ABHD4: variants seen among roughly 807,000 people sequenced by gnomAD.
The protein encoded by ABHD4 is abhydrolase domain containing 4, N-acyl phospholipase B, also known as (Lyso)-N-acylphosphatidylethanolamine lipase.
In ABHD4, 35 loss-of-function variants were observed where a neutral mutation model predicts 42.3. The observed-to-expected ratio is 0.83, with a 90% confidence interval of 0.63 to 1.10. The LOEUF (loss-of-function observed/expected upper bound fraction) is 1.10. Among genes scored for constraint, ABHD4 ranks in the 50% least tolerant of loss-of-function variants. The pLI, the probability that ABHD4 is intolerant of heterozygous loss-of-function variation, is 0.00. For synonymous variants in ABHD4, 169 were observed against 170.6 expected, an observed-to-expected ratio of 0.99 and a Z score of 0.07; for missense variants, 389 against 454.8, an observed-to-expected ratio of 0.86 and a Z score of 1.32.
chr14:22,600,219 C>T (rs1438768982), intron 1 of ABHD4: 1 of 455,628 alleles, frequency 2.2e-6, no homozygotes, highest in Non-Finnish European at 4.4e-6. Flanking sequence ...AAAATTGGAA[C>T]TCTGGCCTTC....
chr14:22,598,535 C>T (rs1418594346), intron 1 of ABHD4: 6 of 1,434,076 alleles, frequency 4.2e-6, no homozygotes, highest in African/African-American at 2.8e-5. Flanking sequence ...CCATGGGAGA[C>T]GCGCTCGCCC....
Position 22,611,017 on chromosome 14 carries a change from C to A in ABHD4, c.*69C>A. The A allele has an allele frequency of 7.2e-7, 1 of 1,393,486 alleles. No individual in the cohort carries two copies. The highest frequency in any genetic ancestry group is 1.2e-5 in the South Asian group (1 of 85,272). 86.3% of individuals were successfully genotyped at this position (1,393,486 alleles called of 1,614,324 possible). A position where few individuals can be genotyped will look rare whatever the true frequency, so the allele number is the denominator to read the frequency against. On this transcript the variant is annotated 3_prime_UTR_variant, in exon 7 of 7. Transcript: ENST00000428304. ...TTACCTCCCTGTCTGCTTACTCACCCACTCTGTCCTTTCCTCACCAACTAA... is the reference window on the plus strand; with the variant it reads ...TTACCTCCCTGTCTGCTTACTCACCAACTCTGTCCTTTCCTCACCAACTAA...
rs368944200 is a variant in ABHD4 at position 22,601,730 on chromosome 14, G to A, written c.87G>A (p.Lys29=). The change falls in exon 2 of 7, where the codon AAG becomes AAA. Residue 29 remains lysine, a synonymous_variant. Coordinates refer to ENST00000428304, the MANE Select transcript of ABHD4 (RefSeq NM_022060.3). ...GCCCCACTTCCATGTCTCAGCTGAA[G>A]AATGTGGAAGCCAGGATCCTCCAGT... ...TWRPTSMSQL[K]NVEARILQCL... is the part of the protein sequence containing the mutation. The A allele has an allele frequency of 1.9e-6, 3 of 1,614,072 alleles. No individual in the cohort carries two copies. The African/African-American group carries it at 4.0e-5, about 22-fold the overall frequency.
chr14:22,603,981 C>A lies in ABHD4; in HGVS notation c.542C>A (p.Pro181His). The change falls in exon 4 of 7, where the codon CCC (proline) becomes CAC (histidine). Residue 181 changes from proline (P) to histidine (H), a missense_variant. Around this residue, in one of 3 missense-constraint regions of ABHD4, gnomAD observed 249 missense variants for 254.4 expected, o/e 0.98. Transcript: ENST00000428304. Reference protein sequence around the residue: ...PWGFPLRPTNPSEIRAPPAWV... With the variant: ...PWGFPLRPTNHSEIRAPPAWV... Reference sequence around the variant, plus strand: ...GGCTTTCCCCTCCGACCAACTAACCCCAGTGAGATCCGTGCACCCCCAGCC... The same window carrying A: ...GGCTTTCCCCTCCGACCAACTAACCACAGTGAGATCCGTGCACCCCCAGCC... 1 of 1,614,228 alleles carries A rather than the reference C, an allele frequency of 6.2e-7. No homozygotes were observed. The highest frequency in any genetic ancestry group is 8.5e-7 in the Non-Finnish European group (1 of 1,180,046).
chr14:22,608,242 CCTTT>C (rs1223466546), intron 5 of ABHD4, among the ~76,000 whole-genome samples: 1 of 152,144 alleles, frequency 6.6e-6, no homozygotes, highest in African/African-American at 2.4e-5. Flanking sequence ...ACTCAGGTTC[CCTTT>C]CATCTGTACA....
intron 1 of ABHD4, among the ~76,000 whole-genome samples, chr14:22,599,395 T>C (rs1175406673): frequency 6.6e-6 from 1 of 152,104 alleles, no homozygotes; most frequent in Non-Finnish European, 1.5e-5. Flanking sequence ...AGAACAGGAT[T>C]CTCTCCCAGC....
intron 1 of ABHD4, among the ~76,000 whole-genome samples, chr14:22,599,755 G>A (rs2037260900): frequency 6.6e-6 from 1 of 152,190 alleles, no homozygotes; most frequent in Non-Finnish European, 1.5e-5. Context: ...GTGATTTAGA[G>A]AGAAAATTTG....
intron 5 of ABHD4, 32 bp from the exon 6 acceptor site, chr14:22,609,692 T>C (rs1220324975): frequency 6.2e-7 from 1 of 1,606,048 alleles, no homozygotes; most frequent in Non-Finnish European, 8.5e-7. Context: ...CATATTCTGC[T>C]GTGAAGTTTA....
rs2037418262 is a variant in ABHD4, at chr14:22,611,801, C to CT, written c.*855dup. 1 of 153,364 alleles carries CT rather than the reference C, an allele frequency of 6.5e-6. No individual in the cohort carries two copies. The highest frequency in any genetic ancestry group is 1.5e-5 in the Non-Finnish European group (1 of 68,634). 9.5% of individuals were successfully genotyped at this position (153,364 alleles called of 1,614,324 possible). A position where few individuals can be genotyped will look rare whatever the true frequency, so the allele number is the denominator to read the frequency against. Reference sequence around the variant, plus strand: ...TGCCTAAGCTAGGGACACTCAAGTGCTTCCTTCCTTGCCCCATCTTCCTCC... The same window carrying CT: ...TGCCTAAGCTAGGGACACTCAAGTGCTTTCCTTCCTTGCCCCATCTTCCTCC... On this transcript the variant is annotated 3_prime_UTR_variant, in exon 7 of 7. Transcript: ENST00000428304.
At chr14:22,606,939 C>G (rs765840449) in intron 5 of ABHD4, among the ~76,000 whole-genome samples, 11 of 152,040 alleles carry the variant, frequency 7.2e-5, no homozygotes, top group Non-Finnish European at 1.5e-4. Context: ...AGGAAGTCTT[C>G]TCCTGTCCCG....
intron 6 of ABHD4, 37 bp downstream of exon 6, chr14:22,609,947 G>C (rs560537533): frequency 8.1e-6 from 13 of 1,600,994 alleles, no homozygotes; most frequent in Middle Eastern, 1.7e-4. Flanking sequence ...AATGATGACT[G>C]AGAGTCAATC....
intron 4 of ABHD4, chr14:22,605,734 A>G (rs1388530781): frequency 4.8e-6 from 5 of 1,047,304 alleles, no homozygotes; most frequent in Non-Finnish European, 6.5e-6. Flanking sequence ...GCAGATCCTC[A>G]TGGCACCCCC....
Position 22,601,767 on chromosome 14 carries a change from G to C in ABHD4, c.112+12G>C, listed in dbSNP as rs1335863104. 6.2e-7 allele frequency: 1 copy of C among 1,612,722 alleles called. No individual in the cohort carries two copies. The highest frequency in any genetic ancestry group is 1.7e-5 in the Admixed American group (1 of 60,012). On this transcript the variant is annotated intron_variant, in intron 2 of 6. Coordinates refer to ENST00000428304, the MANE Select transcript of ABHD4 (RefSeq NM_022060.3). ...CAGGATCCTCCAGTGTAAGTAGAAT[G>C]GACAGCTTGTCCCACCTCCCTCATG... is the stretch of plus-strand genomic sequence containing the variant.
intron 5 of ABHD4, among the ~76,000 whole-genome samples, chr14:22,607,001 T>G (rs925674753): frequency 3.3e-5 from 5 of 152,182 alleles, no homozygotes; most frequent in African/African-American, 1.2e-4. Context: ...ATAGCACATG[T>G]ACCATTTCTT....
At chr14:22,607,725 C>T (rs895772323) in intron 5 of ABHD4, among the ~76,000 whole-genome samples, 2 of 152,228 alleles carry the variant, frequency 1.3e-5, no homozygotes, top group Non-Finnish European at 2.9e-5. Context: ...CCAGCCCTAG[C>T]CCTTTCCCCA....
chr14:22,598,498 G>A (rs1010662653), intron 1 of ABHD4, 169 bp downstream of exon 1: 5 of 1,532,420 alleles, frequency 3.3e-6, no homozygotes, highest in Non-Finnish European at 4.4e-6. Flanking sequence ...CATTTGCCCA[G>A]AAGAGGCAGC....
intron 4 of ABHD4, chr14:22,604,302 G>A: frequency 4.2e-6 from 2 of 475,942 alleles, no homozygotes; most frequent in East Asian, 3.8e-5. Context: ...CCAGGCTGGA[G>A]TGCAGTGGTG....
rs775836078 is a variant in ABHD4 at position 22,603,966 on chromosome 14, T to C, written c.527T>C (p.Leu176Pro). ...LILVDPWGFP[L>P]RPTNPSEIRA... ...CTGGTGGACCCATGGGGCTTTCCCC[T>C]CCGACCAACTAACCCCAGTGAGATC... The change falls in exon 4 of 7, where the codon CTC becomes CCC. Residue 176 changes from leucine to proline, a missense_variant. Leu to Pro is a moderately conservative substitution (Grantham distance 98, BLOSUM62 -3). Coordinates refer to ENST00000428304, the MANE Select transcript of ABHD4 (RefSeq NM_022060.3). The C allele has an allele frequency of 6.2e-7, 1 of 1,614,210 alleles. No homozygotes were observed. The highest frequency in any genetic ancestry group is 1.1e-5 in the South Asian group (1 of 91,090).
Position 22,604,096 on chromosome 14 carries a change from A to G in ABHD4, c.640+17A>G. On this transcript the variant is annotated intron_variant, in intron 4 of 6. Transcript: ENST00000428304. ...GGCCCTGGGGTGAGTAGCCTGTAGT[A>G]TCTCCTTAAAGGAAGGCTATAACGT... is the stretch of plus-strand genomic sequence containing the variant. 1 of 1,613,730 alleles carries G rather than the reference A, an allele frequency of 6.2e-7. No individual in the cohort carries two copies. Among genetic ancestry groups the G allele is most frequent in the South Asian group, 1.1e-5 (1 of 91,072 alleles).
Sources: gnomAD v4.1 joint callset for allele counts (sites outside exome capture counted in the v4.1 genomes callset) on GRCh38, gnomAD v4.1.1 for gene constraint, gnomAD v4.1.1 regional missense constraint, MANE v1.5 for transcripts, NCBI Gene and HGNC (gene_info 2026-07-23, HGNC 2026-07-21) for gene names.